LHCGR: variants seen among roughly 807,000 people sequenced by gnomAD.
LHCGR encodes lutropin-choriogonadotropic hormone receptor.
Under a neutral mutation model 60.7 loss-of-function variants are expected in LHCGR, and 55 were observed. The observed-to-expected ratio is 0.91, with a 90% CI of 0.73 to 1.13. The LOEUF is 1.13. Ranked by LOEUF, LHCGR falls within the 50% of genes most tolerant of loss-of-function variation. LHCGR has a pLI of 0.00. For missense variants in LHCGR, 862 were observed against 836.0 expected (o/e 1.03, Z -0.38); for synonymous variants, 337 against 316.5 (o/e 1.06, Z -0.69).
At chr2:48,725,000 G>A (rs193144874) in intron 4 of LHCGR, among the ~76,000 whole-genome samples, 17 of 152,204 alleles carry the variant, frequency 1.1e-4, no homozygotes, top group African/African-American at 2.9e-4. Context: ...TTAGGGAGAC[G>A]CAAATTTTTC....
chr2:48,712,379 A>G (rs1668034524), intron 7 of LHCGR, among the ~76,000 whole-genome samples: 2 of 152,158 alleles, frequency 1.3e-5, no homozygotes, highest in South Asian at 4.1e-4. Flanking sequence ...CTTGGTAAAC[A>G]TTTGTAGAGT....
chr2:48,688,137 G>C lies in LHCGR; in HGVS notation c.1660C>G (p.Arg554Gly). ...ACYIKIYFAV[R>G]NPELMATNKD... The stretch of plus-strand genomic sequence containing the variant: ...TTGGTAGCCATTAATTCTGGGTTTC[G>C]AACTGCAAAATAAATTTTAATGTAG... The change falls in exon 11 of 11, where the codon CGA (arginine) becomes GGA (glycine). Residue 554 changes from arginine (R) to glycine (G), a missense_variant. Arg to Gly is a moderately radical substitution (Grantham distance 125). Coordinates refer to ENST00000294954, the MANE Select transcript of LHCGR (RefSeq NM_000233.4). The surrounding 1 kb of genome is among the most constrained non-coding windows in gnomAD (Gnocchi z 5.2). The C allele has an allele frequency of 1.2e-6, 2 of 1,614,006 alleles. No homozygotes were observed. Among genetic ancestry groups the C allele is most frequent in the Non-Finnish European group, 1.7e-6 (2 of 1,180,000 alleles).
At chr2:48,720,072 A>T (rs1668433338) in intron 6 of LHCGR, 1 of 152,184 alleles carries the variant, frequency 6.6e-6, no homozygotes, top group Non-Finnish European at 1.5e-5. Context: ...ACGGAGCCTC[A>T]ATCTTTATTA....
chr2:48,733,003 A>G (rs924950499), intron 1 of LHCGR: 25 of 530,234 alleles, frequency 4.7e-5, no homozygotes, highest in Admixed American at 1.8e-4. Context: ...TTTGCTTCCT[A>G]TATTTCTTCT....
chr2:48,740,829 A>G (rs1227352032), intron 1 of LHCGR, among the ~76,000 whole-genome samples: 1 of 152,276 alleles, frequency 6.6e-6, no homozygotes, highest in Admixed American at 6.5e-5. Context: ...GCAACGGAAC[A>G]AAGCTGACAG....
At chr2:48,716,094 G>A (rs1216154361) in intron 6 of LHCGR, among the ~76,000 whole-genome samples, 2 of 151,990 alleles carry the variant, frequency 1.3e-5, no homozygotes, top group Non-Finnish European at 2.9e-5. Context: ...ACTTTCAATA[G>A]TTTTCATCCC....
chr2:48,750,497 A>T (rs1669911815), intron 1 of LHCGR, among the ~76,000 whole-genome samples: 2 of 152,334 alleles, frequency 1.3e-5, no homozygotes, highest in Non-Finnish European at 2.9e-5. Context: ...AAATTCTGTT[A>T]TAGGACCTGG....
intron 6 of LHCGR, among the ~76,000 whole-genome samples, chr2:48,717,678 T>A (rs1668314667): frequency 1.3e-5 from 2 of 151,940 alleles, no homozygotes; most frequent in Non-Finnish European, 2.9e-5. Context: ...CTATCATCCT[T>A]CTCCAATGAA....
At chr2:48,715,979 G>A (rs1332978325) in intron 6 of LHCGR, among the ~76,000 whole-genome samples, 2 of 152,134 alleles carry the variant, frequency 1.3e-5, no homozygotes, top group African/African-American at 4.8e-5. Context: ...TCCCCGGGAA[G>A]GGGAGGCTTC....
At chr2:48,699,587 G>A (rs911921488) in intron 8 of LHCGR, among the ~76,000 whole-genome samples, 2 of 152,226 alleles carry the variant, frequency 1.3e-5, no homozygotes, top group Non-Finnish European at 2.9e-5. Context: ...TTTTCATGAA[G>A]CACAGCCTGG....
At chr2:48,737,990 T>C (rs925419491) in intron 1 of LHCGR, among the ~76,000 whole-genome samples, 3 of 152,236 alleles carry the variant, frequency 2.0e-5, no homozygotes, top group Admixed American at 2.0e-4. Flanking sequence ...GCTGTTGTCC[T>C]CCAACAATCA....
At chr2:48,728,160 T>A (rs1422517404) in intron 3 of LHCGR, among the ~76,000 whole-genome samples, 1 of 152,062 alleles carries the variant, frequency 6.6e-6, no homozygotes, top group Non-Finnish European at 1.5e-5. Context: ...AGACAATTCT[T>A]TTTCCAGTGT....
chr2:48,728,706 A>T (rs906495242), intron 3 of LHCGR, among the ~76,000 whole-genome samples: 2 of 151,962 alleles, frequency 1.3e-5, no homozygotes, highest in African/African-American at 4.8e-5. Flanking sequence ...AACCCAACAA[A>T]CCCAACACAC....
At chr2:48,745,827 C>G (rs1289108842) in intron 1 of LHCGR, among the ~76,000 whole-genome samples, 2 of 150,754 alleles carry the variant, frequency 1.3e-5, no homozygotes, top group African/African-American at 4.9e-5. Context: ...GCACATGTAC[C>G]CTAAAACTTA....
In LHCGR at chr2:48,723,538, A is replaced by C; in HGVS notation, c.459-5T>G. The C allele has an allele frequency of 6.2e-7, 1 of 1,611,806 alleles. No homozygotes were observed. The highest frequency in any genetic ancestry group is 8.5e-7 in the Non-Finnish European group (1 of 1,177,890). ...TGTAAGTTATCACAAATTTCCCTTG[A>C]GGAAAGAAATGAGAAATATTTACTT... On this transcript the variant is annotated splice_polypyrimidine_tract_variant and splice_region_variant and intron_variant, in intron 5 of 10. Coordinates refer to ENST00000294954, the MANE Select transcript of LHCGR (RefSeq NM_000233.4).
chr2:48,724,140 A>G (rs1305073702), intron 4 of LHCGR, among the ~76,000 whole-genome samples: 1 of 152,204 alleles, frequency 6.6e-6, no homozygotes, highest in African/African-American at 2.4e-5. Context: ...TTTATGATAA[A>G]TCCATATTGC....
intron 1 of LHCGR, among the ~76,000 whole-genome samples, chr2:48,746,617 A>G (rs1558899130): frequency 6.6e-6 from 1 of 152,330 alleles, no homozygotes; most frequent in East Asian, 1.9e-4. Flanking sequence ...TTATCATGTG[A>G]ACCAAGATGT....
At chr2:48,739,579 G>A (rs1669344071) in intron 1 of LHCGR, among the ~76,000 whole-genome samples, 2 of 151,808 alleles carry the variant, frequency 1.3e-5, no homozygotes, top group South Asian at 4.2e-4. Context: ...ACCAAACACT[G>A]CATGTTCTCG....
chr2:48,690,578 C>A (rs572374961), intron 10 of LHCGR, among the ~76,000 whole-genome samples: 3 of 152,144 alleles, frequency 2.0e-5, no homozygotes, highest in African/African-American at 4.8e-5. Context: ...TAAAATGACT[C>A]GTAGTTCTCT....
Sources: gnomAD v4.1 joint callset for allele counts (sites outside exome capture counted in the v4.1 genomes callset) on GRCh38, gnomAD v4.1.1 for gene constraint, Gnocchi (gnomAD v3.1) non-coding constraint, MANE v1.5 for transcripts, NCBI Gene and HGNC (gene_info 2026-07-23, HGNC 2026-07-21) for gene names.